RANBP2: variants seen among roughly 807,000 people sequenced by gnomAD.
The protein encoded by RANBP2 is E3 SUMO-protein ligase RanBP2.
RANBP2 carries 57 observed loss-of-function variants against 303.6 expected under a neutral mutation model. The ratio of observed to expected loss-of-function variants is 0.19; its 90% CI spans 0.15 to 0.23. The LOEUF is 0.23. Among genes scored for constraint, RANBP2 ranks in the 10% least tolerant of loss-of-function variants. The probability of loss-of-function intolerance (pLI) is 1.00; values close to 1 mark genes in which losing one functional copy is unlikely to be tolerated. For synonymous variants in RANBP2, 1,167 were observed against 1,301.5 expected (o/e 0.90, Z 2.23); for missense variants, 3,138 against 3,780.8 (o/e 0.83, Z 4.46).
the RANBP2 span, among the ~76,000 whole-genome samples, chr2:109,090,591 G>A: frequency 6.6e-6 from 1 of 152,002 alleles, no homozygotes; most frequent in Admixed American, 6.6e-5. Context: ...GGATCTAACA[G>A]GCACGAAGGG....
At chr2:109,673,382 G>A in the RANBP2 span, among the ~76,000 whole-genome samples, 1 of 152,112 alleles carries the variant, frequency 6.6e-6, no homozygotes. Flanking sequence ...GGATGCTTTG[G>A]GAAAAACAGA....
chr2:109,614,164 G>C, the RANBP2 span: 2 of 1,185,202 alleles, frequency 1.7e-6, no homozygotes, highest in South Asian at 8.7e-5. Flanking sequence ...ATGCAGGCGG[G>C]AACTGCGGAG....
chr2:109,736,328 G>A, the RANBP2 span, among the ~76,000 whole-genome samples: 2 of 152,060 alleles, frequency 1.3e-5, no homozygotes, highest in African/African-American at 4.8e-5. Context: ...TATTTCCCAG[G>A]CACCTTCCAT....
chr2:108,772,348 C>T (rs1340045031), intron 21 of RANBP2, 141 bp from the exon 22 acceptor site: 4 of 637,258 alleles, frequency 6.3e-6, no homozygotes, highest in Non-Finnish European at 1.1e-5. Context: ...AAAGCTCTAG[C>T]AGAAAGAGAG....
chr2:109,244,721 G>T, the RANBP2 span, among the ~76,000 whole-genome samples: 1 of 152,228 alleles, frequency 6.6e-6, no homozygotes, highest in African/African-American at 2.4e-5. Flanking sequence ...AGCCTCTAGA[G>T]ACAGGAGTCA....
At chr2:109,661,761 T>G in the RANBP2 span, among the ~76,000 whole-genome samples, 1 of 152,224 alleles carries the variant, frequency 6.6e-6, no homozygotes, top group South Asian at 2.1e-4. Context: ...ATATATCCCT[T>G]GGATGCCCTA....
the RANBP2 span, among the ~76,000 whole-genome samples, chr2:109,405,886 T>C: frequency 1.3e-5 from 2 of 152,210 alleles, no homozygotes; most frequent in Non-Finnish European, 2.9e-5. Context: ...CACGCTAGCT[T>C]CCTTGTTGGG....
the RANBP2 span, among the ~76,000 whole-genome samples, chr2:109,479,996 G>A: frequency 4.6e-5 from 7 of 152,168 alleles, no homozygotes; most frequent in East Asian, 3.9e-4. Flanking sequence ...GAGGCCACGC[G>A]TCATCACAGC....
the RANBP2 span, among the ~76,000 whole-genome samples, chr2:109,700,306 C>T: frequency 6.6e-6 from 1 of 152,256 alleles, no homozygotes; most frequent in Non-Finnish European, 1.5e-5. Flanking sequence ...AGAATGTGCG[C>T]CTGTGATACA....
At chr2:108,913,496 T>A in the RANBP2 span, among the ~76,000 whole-genome samples, 1 of 152,142 alleles carries the variant, frequency 6.6e-6, no homozygotes, top group Non-Finnish European at 1.5e-5. Context: ...GTCATAAAAG[T>A]AATATATGCT....
At chr2:109,041,830 C>T in the RANBP2 span, among the ~76,000 whole-genome samples, 1 of 151,594 alleles carries the variant, frequency 6.6e-6, no homozygotes, top group Non-Finnish European at 1.5e-5. Context: ...TGTGAGCCAA[C>T]CCGCCCGGCC....
chr2:109,541,515 G>C, the RANBP2 span, among the ~76,000 whole-genome samples: 1 of 152,158 alleles, frequency 6.6e-6, no homozygotes, highest in African/African-American at 2.4e-5. Flanking sequence ...ACCTAACCTT[G>C]TGAGGCCAAG....
the RANBP2 span, among the ~76,000 whole-genome samples, chr2:109,471,844 A>AC: frequency 1.1e-3 from 174 of 152,246 alleles, 1 homozygote; most frequent in Non-Finnish European, 2.1e-3. Context: ...AACTTTTTCC[A>AC]CACTCTATTT....
the RANBP2 span, among the ~76,000 whole-genome samples, chr2:109,719,409 C>CTTT: frequency 8.0e-6 from 1 of 125,318 alleles, no homozygotes; most frequent in Non-Finnish European, 1.7e-5. Context: ...TGTGATATAT[C>CTTT]TTTTTTTTTT....
the RANBP2 span, among the ~76,000 whole-genome samples, chr2:108,901,472 A>T: frequency 6.6e-6 from 1 of 152,342 alleles, no homozygotes; most frequent in South Asian, 2.1e-4. Context: ...TAATTTAGAA[A>T]TAAGAGCAGT....
the RANBP2 span, among the ~76,000 whole-genome samples, chr2:109,149,324 G>A: frequency 6.6e-6 from 1 of 152,198 alleles, no homozygotes; most frequent in Non-Finnish European, 1.5e-5. Flanking sequence ...TCTTTGGCTT[G>A]ACTTGAGCTC....
the RANBP2 span, among the ~76,000 whole-genome samples, chr2:109,268,145 A>G: frequency 6.6e-6 from 1 of 151,860 alleles, no homozygotes; most frequent in South Asian, 2.1e-4. Context: ...TTTGGTCGTC[A>G]CTTTTGCTGA....
At chr2:109,694,015 CTGTGTGTGTGCA>C in the RANBP2 span, among the ~76,000 whole-genome samples, 2 of 152,076 alleles carry the variant, frequency 1.3e-5, no homozygotes, top group Non-Finnish European at 2.9e-5. Context: ...TGAGGTATGC[CTGTGTGTGTGCA>C]TGTGTGTGTC....
the RANBP2 span, among the ~76,000 whole-genome samples, chr2:108,805,442 C>T: frequency 6.6e-6 from 1 of 152,090 alleles, no homozygotes; most frequent in African/African-American, 2.4e-5. Flanking sequence ...ATAAGTATTG[C>T]AGGCCAGGCG....
Sources: gnomAD v4.1 joint callset for allele counts (sites outside exome capture counted in the v4.1 genomes callset) on GRCh38, gnomAD v4.1.1 for gene constraint, MANE v1.5 for transcripts, NCBI Gene and HGNC (gene_info 2026-07-23, HGNC 2026-07-21) for gene names.